Variants in DPY19L3 observed in about 807,000 individuals in gnomAD.
DPY19L3 encodes the protein protein C-mannosyl-transferase DPY19L3.
In DPY19L3, 51 loss-of-function variants were observed where a neutral mutation model predicts 92.3. The ratio of observed to expected loss-of-function variants is 0.55; its 90% confidence interval spans 0.44 to 0.70. The LOEUF (loss-of-function observed/expected upper bound fraction) is 0.70, where lower values mean the gene tolerates loss of function less well. DPY19L3 is among the 30% of genes least tolerant of loss of function. The pLI, the probability that DPY19L3 is intolerant of heterozygous loss-of-function variation, is 0.00. For synonymous variants in DPY19L3, 309 were observed against 315.2 expected (o/e 0.98, Z 0.21); for missense variants, 706 against 855.9 (o/e 0.82, Z 2.18).
Position 32,484,929 on chromosome 19 carries a change from A to C in DPY19L3, c.*2689A>C, listed in dbSNP as rs1277437952. 1 of 152,220 alleles carries C rather than the reference A, an allele frequency of 6.6e-6. No individual in the cohort carries two copies. Among genetic ancestry groups the C allele is most frequent in the Non-Finnish European group, 1.5e-5 (1 of 68,032 alleles). 9.4% of individuals were successfully genotyped at this position (152,220 alleles called of 1,614,324 possible). ...GGGAATATTATAAGATATTGGGGAA[A>C]ATATACAAATCAAGAAAATTTCTGA... On this transcript the variant is annotated 3_prime_UTR_variant, in exon 19 of 19. Coordinates refer to ENST00000392250, the MANE Select transcript of DPY19L3 (RefSeq NM_001172774.2).
rs961606409 is a variant in DPY19L3, at chr19:32,439,041, C to T, written c.597-71C>T. ...CTTGTCCTTAATGTAATATATCTTT[C>T]GTTGAGGAAGTCTTCGAGGAAATTA... On this transcript the variant is annotated intron_variant, in intron 6 of 18. Coordinates refer to ENST00000392250, the MANE Select transcript of DPY19L3 (RefSeq NM_001172774.2). The T allele has an allele frequency of 3.0e-5, 45 of 1,521,658 alleles. No homozygotes were observed. In the East Asian group the frequency reaches 4.6e-4, roughly 15 times the overall value. The allele number at this position is 1,521,658 out of a possible 1,614,324, so 94.3% of individuals were successfully genotyped here. A position where few individuals can be genotyped will look rare whatever the true frequency, so the allele number is the denominator to read the frequency against.
intron 3 of DPY19L3, among the ~76,000 whole-genome samples, chr19:32,421,683 G>T (rs1220086072): frequency 1.3e-5 from 2 of 151,348 alleles, no homozygotes; most frequent in Non-Finnish European, 2.9e-5. Context: ...GTCAGATAAA[G>T]TGAGTAAAGT....
At chr19:32,440,216 G>A (rs2145503921) in intron 8 of DPY19L3, among the ~76,000 whole-genome samples, 1 of 152,302 alleles carries the variant, frequency 6.6e-6, no homozygotes. Flanking sequence ...CTTTTAAAAT[G>A]TCTTACTGTG....
intron 16 of DPY19L3, among the ~76,000 whole-genome samples, chr19:32,475,077 C>A (rs1970465950): frequency 6.6e-6 from 1 of 152,192 alleles, no homozygotes; most frequent in South Asian, 2.1e-4. Flanking sequence ...AGGAGGCAGG[C>A]TGAAACCTTA....
chr19:32,453,087 G>C, intron 8 of DPY19L3, 58 bp from the exon 9 acceptor site: 1 of 1,596,606 alleles, frequency 6.3e-7, no homozygotes, highest in East Asian at 2.2e-5. Context: ...CCAACATGTC[G>C]ACATGTGATG....
In DPY19L3 at chr19:32,453,232, C is replaced by G. The variant is rs767902213; in HGVS notation, c.943C>G (p.Leu315Val). Residue 315 changes from leucine (L) to valine (V), a missense_variant, in exon 9 of 19, where the codon CTT becomes GTT. Transcript: ENST00000392250. ...FFNSMILGSL[L>V]ISFNLSVFIA... Reference sequence around the variant, plus strand: ...TAATTCCATGATTCTTGGATCACTGCTTATCAGTTTTAACCTTTCAGTATT... The same window carrying G: ...TAATTCCATGATTCTTGGATCACTGGTTATCAGTTTTAACCTTTCAGTATT... 58 of 1,613,810 alleles carry G rather than the reference C, an allele frequency of 3.6e-5. No individual in the cohort carries two copies. Among genetic ancestry groups the G allele is most frequent in the Non-Finnish European group, 4.9e-5 (58 of 1,179,952 alleles).
chr19:32,448,331 A>G (rs773624654), intron 8 of DPY19L3, among the ~76,000 whole-genome samples: 6 of 152,158 alleles, frequency 3.9e-5, no homozygotes, highest in Non-Finnish European at 7.3e-5. Flanking sequence ...TCCATTGAAG[A>G]CAGCTGTAGT....
intron 8 of DPY19L3, among the ~76,000 whole-genome samples, chr19:32,452,860 A>ATT (rs55722260): frequency 1.4e-5 from 2 of 139,438 alleles, no homozygotes; most frequent in African/African-American, 2.7e-5. Flanking sequence ...CGCCTAGCTA[A>ATT]TTTTTTTTTT....
chr19:32,472,341 C>T lies in DPY19L3; in HGVS notation c.1697+3528C>T, dbSNP rs562922756. Among the ~76,000 whole-genome samples, 4 of 152,200 alleles carry T rather than the reference C, an allele frequency of 2.6e-5. No individual in the cohort carries two copies. In the East Asian group the frequency reaches 7.8e-4, roughly 30 times the overall value. On this transcript the variant is annotated intron_variant, in intron 16 of 18. Transcript: ENST00000392250. ...GGCCCCAGGCTGCGGTAGCCCCAGC[C>T]GCCTTCCCTAAGAGCTGGGAGGCAT...
At chr19:32,412,264 T>C (rs1968210897) in intron 3 of DPY19L3, 1 of 152,148 alleles carries the variant, frequency 6.6e-6, no homozygotes, top group African/African-American at 2.4e-5. Flanking sequence ...TTATAGATTG[T>C]GAAATTAGTG....
Position 32,430,323 on chromosome 19 carries a change from C to T in DPY19L3, c.238-2393C>T, listed in dbSNP as rs923840206. 3.9e-5 allele frequency among the ~76,000 whole-genome samples: 6 copies of T among 152,074 alleles called. No homozygotes were observed. In the East Asian group the frequency reaches 5.8e-4, roughly 15 times the overall value. Reference sequence around the variant, plus strand: ...ACTTGACCCTGACACGCAAAGGCTACGATGAGCCGTGATCATGCCACCGTA... The same window carrying T: ...ACTTGACCCTGACACGCAAAGGCTATGATGAGCCGTGATCATGCCACCGTA... On this transcript the variant is annotated intron_variant, in intron 3 of 18. Coordinates refer to ENST00000392250, the MANE Select transcript of DPY19L3 (RefSeq NM_001172774.2).
chr19:32,463,842 G>A (rs548086820), intron 13 of DPY19L3, 27 bp from the exon 14 acceptor site: 66 of 1,582,128 alleles, frequency 4.2e-5, no homozygotes, highest in Non-Finnish European at 5.4e-5. Context: ...TAGTACTTCT[G>A]ACTTGCGCCT....
chr19:32,415,916 C>T (rs961824629), intron 3 of DPY19L3, among the ~76,000 whole-genome samples: 1 of 152,140 alleles, frequency 6.6e-6, no homozygotes, highest in African/African-American at 2.4e-5. Flanking sequence ...GGAAGTAAAG[C>T]CGACCACTTT....
At chr19:32,463,610 T>C in intron 13 of DPY19L3, 122 bp downstream of exon 13, 1 of 1,201,390 alleles carries the variant, frequency 8.3e-7, no homozygotes, top group South Asian at 1.5e-5. Context: ...AAATCATCCT[T>C]ATATCCTATC....
chr19:32,454,784 A>G (rs1163929644), intron 9 of DPY19L3, among the ~76,000 whole-genome samples, 155 bp from the exon 10 acceptor site: 1 of 152,190 alleles, frequency 6.6e-6, no homozygotes, highest in Non-Finnish European at 1.5e-5. Context: ...AAGACAGTGT[A>G]ACCTCATGAA....
rs760239820 is a variant in DPY19L3, at chr19:32,480,459, G to A, written c.1891G>A (p.Gly631Ser). The A allele has an allele frequency of 1.1e-5, 17 of 1,614,010 alleles. No individual in the cohort carries two copies. Among genetic ancestry groups the A allele is most frequent in the African/African-American group, 1.3e-5 (1 of 74,902 alleles). ...EEVHALLRSF[G>S]TDYVILEDSI... ...AGTGCATGCCCTCCTAAGGTCCTTC[G>A]GCACTGACTACGTAATCCTGGAAGA... is the stretch of plus-strand genomic sequence containing the variant. The change falls in exon 18 of 19, where the codon GGC becomes AGC. Residue 631 changes from glycine (G) to serine (S), a missense_variant. Transcript: ENST00000392250.
intron 10 of DPY19L3, among the ~76,000 whole-genome samples, chr19:32,457,254 T>C (rs1016748432): frequency 6.6e-6 from 1 of 152,192 alleles, no homozygotes; most frequent in African/African-American, 2.4e-5. Flanking sequence ...TCCTTGCTGT[T>C]TTTGCTTTAC....
chr19:32,411,140 A>T lies in DPY19L3; in HGVS notation c.104-99A>T. 2.4e-6 allele frequency: 3 copies of T among 1,270,164 alleles called. No homozygotes were observed. In the South Asian group the frequency reaches 4.4e-5, roughly 19 times the overall value. 78.7% of individuals were successfully genotyped at this position (1,270,164 alleles called of 1,614,324 possible). ...AGACAGGAAAAGCTTTCCCAGTGAC[A>T]GGCAGCTAGACTTAGCTTACTTGAT... On this transcript the variant is annotated intron_variant, in intron 2 of 18. Coordinates refer to ENST00000392250, the MANE Select transcript of DPY19L3 (RefSeq NM_001172774.2).
chr19:32,433,504 A>G (rs560843210), intron 4 of DPY19L3, among the ~76,000 whole-genome samples: 2 of 152,142 alleles, frequency 1.3e-5, no homozygotes, highest in Non-Finnish European at 2.9e-5. Flanking sequence ...TGTAGTCTCA[A>G]TCTCCCAGCC....
Sources: allele counts gnomAD v4.1 joint callset (sites outside exome capture counted in the v4.1 genomes callset), GRCh38; gene constraint gnomAD v4.1.1; transcripts MANE v1.5; gene names NCBI Gene and HGNC (gene_info 2026-07-23, HGNC 2026-07-21).